The following PTPRR variants were observed in gnomAD, a reference collection of about 807,000 sequenced individuals.
PTPRR encodes the protein protein tyrosine phosphatase receptor type R.
A neutral mutation model predicts 77.2 loss-of-function variants in PTPRR; 38 were observed. That is an observed-to-expected ratio of 0.49 (90% CI 0.38 to 0.65). PTPRR has a LOEUF of 0.65. PTPRR is among the 30% of genes least tolerant of loss of function. PTPRR has a pLI of 0.00. For missense variants in PTPRR, 744 were observed against 799.2 expected, an observed-to-expected ratio of 0.93 and a Z score of 0.83; for synonymous variants, 299 against 283.1, an observed-to-expected ratio of 1.06 and a Z score of -0.57.
chr12:70,665,788 G>GA (rs964072728), intron 10 of PTPRR, among the ~76,000 whole-genome samples: 180 of 143,026 alleles, frequency 1.3e-3, no homozygotes, highest in African/African-American at 2.2e-3. Context: ...TTAGTTGCCT[G>GA]AAAAAAAAAA....
chr12:70,895,631 G>A (rs1264169884), intron 1 of PTPRR, among the ~76,000 whole-genome samples: 7 of 151,492 alleles, frequency 4.6e-5, no homozygotes. Flanking sequence ...AGCTACCCGG[G>A]ACATGATGAT....
intron 3 of PTPRR, among the ~76,000 whole-genome samples, chr12:70,763,018 A>G (rs993278367): frequency 1.3e-5 from 2 of 152,072 alleles, no homozygotes; most frequent in Non-Finnish European, 2.9e-5. Context: ...TAAGATATCT[A>G]TATCATCTCT....
chr12:70,826,867 C>T (rs1892118351), intron 2 of PTPRR, among the ~76,000 whole-genome samples: 1 of 152,190 alleles, frequency 6.6e-6, no homozygotes, highest in Non-Finnish European at 1.5e-5. Flanking sequence ...TCCTCCTCTA[C>T]CCTTTAATCA....
At chr12:70,711,424 A>T (rs1342965461) in intron 6 of PTPRR, among the ~76,000 whole-genome samples, 1 of 152,096 alleles carries the variant, frequency 6.6e-6, no homozygotes, top group Non-Finnish European at 1.5e-5. Context: ...GAGGATCAGG[A>T]AAAATAACTA....
intron 10 of PTPRR, among the ~76,000 whole-genome samples, chr12:70,670,407 C>T (rs1478116430): frequency 1.3e-5 from 2 of 152,232 alleles, no homozygotes; most frequent in Admixed American, 6.5e-5. Context: ...CATCAACTCA[C>T]TAACTTTGAG....
intron 1 of PTPRR, among the ~76,000 whole-genome samples, chr12:70,902,032 GGTAT>G: frequency 6.6e-6 from 1 of 151,354 alleles, no homozygotes; most frequent in Non-Finnish European, 1.5e-5. Context: ...CTCAAAAGAA[GGTAT>G]ACAAATGGCC....
chr12:70,740,947 C>T (rs10784867), intron 6 of PTPRR, among the ~76,000 whole-genome samples: 64,763 of 151,954 alleles, frequency 0.43, 14,746 homozygotes, highest in African/African-American at 0.59. Flanking sequence ...GCCAGAAAAG[C>T]TTTCTGCATG....
chr12:70,908,756 CT>C (rs908503863), intron 1 of PTPRR, among the ~76,000 whole-genome samples: 1 of 152,194 alleles, frequency 6.6e-6, no homozygotes, highest in Non-Finnish European at 1.5e-5. Flanking sequence ...TTGAGGGGCA[CT>C]TGGTAGACCC....
chr12:70,660,891 T>C (rs1886773913), intron 12 of PTPRR, 49 bp downstream of exon 12: 1 of 1,535,958 alleles, frequency 6.5e-7, no homozygotes, highest in Non-Finnish European at 8.8e-7. Context: ...TCTGTGACTT[T>C]ACAAAGAATG....
chr12:70,836,574 C>T (rs188926575), intron 2 of PTPRR, among the ~76,000 whole-genome samples: 1 of 152,100 alleles, frequency 6.6e-6, no homozygotes, highest in Non-Finnish European at 1.5e-5. Flanking sequence ...CACTCTCCTG[C>T]CCTTCTTCCA....
intron 2 of PTPRR, among the ~76,000 whole-genome samples, chr12:70,832,612 G>A (rs1419690444): frequency 6.6e-6 from 1 of 152,048 alleles, no homozygotes; most frequent in Non-Finnish European, 1.5e-5. Context: ...GTTAAGAGGT[G>A]GTCTAAGAGG....
intron 10 of PTPRR, among the ~76,000 whole-genome samples, chr12:70,669,516 T>TAC (rs1887135560): frequency 6.7e-6 from 1 of 150,120 alleles, no homozygotes; most frequent in African/African-American, 2.5e-5. Context: ...TATATATATA[T>TAC]ATAAGCTATA....
intron 2 of PTPRR, among the ~76,000 whole-genome samples, chr12:70,825,023 G>C (rs928284023): frequency 6.6e-6 from 1 of 152,138 alleles, no homozygotes; most frequent in South Asian, 2.1e-4. Context: ...GTTGGCTCAC[G>C]CCTGTAATCC....
At chr12:70,694,507 A>G (rs1160254022) in intron 8 of PTPRR, among the ~76,000 whole-genome samples, 2 of 152,194 alleles carry the variant, frequency 1.3e-5, no homozygotes, top group Non-Finnish European at 2.9e-5. Context: ...TTGCAGCAAC[A>G]TGGATGCAGC....
intron 13 of PTPRR, among the ~76,000 whole-genome samples, chr12:70,646,464 T>G (rs1293976545): frequency 6.6e-6 from 1 of 151,454 alleles, no homozygotes; most frequent in African/African-American, 2.4e-5. Context: ...TTGAGTTCCA[T>G]TTTTTTTTCC....
At chr12:70,750,349 T>C (rs1890351896) in intron 5 of PTPRR, among the ~76,000 whole-genome samples, 1 of 152,222 alleles carries the variant, frequency 6.6e-6, no homozygotes, top group African/African-American at 2.4e-5. Context: ...TGATTTGTTA[T>C]AAATATAATC....
At chr12:70,652,375 C>G (rs1048759772) in intron 13 of PTPRR, among the ~76,000 whole-genome samples, 1 of 152,032 alleles carries the variant, frequency 6.6e-6, no homozygotes, top group South Asian at 2.1e-4. Context: ...TTCATAACAA[C>G]TAGAAGAGTG....
chr12:70,734,892 C>A (rs1223266625), intron 6 of PTPRR, among the ~76,000 whole-genome samples: 1 of 152,170 alleles, frequency 6.6e-6, no homozygotes, highest in East Asian at 1.9e-4. Context: ...TCCTGTTTTA[C>A]TCACCCTGGG....
At chr12:70,737,561 C>T (rs933089842) in intron 6 of PTPRR, among the ~76,000 whole-genome samples, 1 of 151,604 alleles carries the variant, frequency 6.6e-6, no homozygotes, top group Admixed American at 6.6e-5. Context: ...CGCTGTTTTG[C>T]CCAGGCTGGA....
Sources: gnomAD v4.1 joint callset for allele counts (sites outside exome capture counted in the v4.1 genomes callset) on GRCh38, gnomAD v4.1.1 for gene constraint, MANE v1.5 for transcripts, NCBI Gene and HGNC (gene_info 2026-07-23, HGNC 2026-07-21) for gene names.